The following PRCC variants were observed in gnomAD, a reference collection of about 807,000 sequenced individuals.
PRCC encodes proline-rich protein PRCC.
PRCC carries 10 observed loss-of-function variants against 44.0 expected under a neutral mutation model. The ratio of observed to expected loss-of-function variants is 0.23; its 90% CI spans 0.14 to 0.39. The LOEUF is 0.39. Ranked by LOEUF, PRCC falls within the 10% of genes least tolerant of loss-of-function variation. The pLI, the probability that PRCC is intolerant of heterozygous loss-of-function variation, is 1.00. For missense variants in PRCC, 573 were observed against 624.7 expected (o/e 0.92, Z 0.88); for synonymous variants, 278 against 259.5 (o/e 1.07, Z -0.69).
chr1:156,771,194 A>T (rs1202516076), intron 1 of PRCC, among the ~76,000 whole-genome samples: 1 of 152,202 alleles, frequency 6.6e-6, no homozygotes, highest in African/African-American at 2.4e-5. Context: ...GCTTTCAGGG[A>T]ACCTCAGGTG....
intron 6 of PRCC, 115 bp from the exon 7 acceptor site, chr1:156,800,259 C>T (rs532105283): frequency 3.3e-6 from 3 of 921,772 alleles, no homozygotes; most frequent in Admixed American, 2.2e-5. Context: ...TTGCAGTTCC[C>T]CCATAATCGT....
At chr1:156,793,161 G>C (rs2102771365) in intron 4 of PRCC, among the ~76,000 whole-genome samples, 1 of 152,214 alleles carries the variant, frequency 6.6e-6, no homozygotes, top group Middle Eastern at 3.4e-3. Flanking sequence ...GCATACTTCT[G>C]CCTGTGCTTG....
In PRCC at chr1:156,767,536, G is replaced by C; in HGVS notation, c.-236G>C. ...AAGGAGGAGGCGGAGTGACTCGGCG[G>C]CCATTAGCTGTGTGTAGTTGCCCGG... On this transcript the variant is annotated 5_prime_UTR_variant, in exon 1 of 7. Transcript: ENST00000271526. 1 of 538,180 alleles carries C rather than the reference G, an allele frequency of 1.9e-6. No individual in the cohort carries two copies. The highest frequency in any genetic ancestry group is 1.9e-5 in the African/African-American group (1 of 51,316). 33.3% of individuals were successfully genotyped at this position (538,180 alleles called of 1,614,324 possible).
rs1652685003 is a variant in PRCC at position 156,797,144 on chromosome 1, G to A, written c.1324-132G>A. The stretch of plus-strand genomic sequence containing the variant: ...TTTGTAGTATATAGAGGTAAAAACA[G>A]CTCCAACTTTTCTCCCCCAGGATTT... On this transcript the variant is annotated intron_variant, in intron 5 of 6. Coordinates refer to ENST00000271526, the MANE Select transcript of PRCC (RefSeq NM_005973.5). 5 of 1,027,534 alleles carry A rather than the reference G, an allele frequency of 4.9e-6. No homozygotes were observed. The South Asian group carries it at 7.0e-5, about 14-fold the overall frequency. The allele number at this position is 1,027,534 out of a possible 1,614,324, so 63.7% of individuals were successfully genotyped here. A position where few individuals can be genotyped will look rare whatever the true frequency, so the allele number is the denominator to read the frequency against.
chr1:156,776,870 A>T (rs61816271), intron 1 of PRCC, among the ~76,000 whole-genome samples: 33 of 152,292 alleles, frequency 2.2e-4, no homozygotes, highest in Non-Finnish European at 3.1e-4. Context: ...TCAAAAGACG[A>T]GAGATGGTGA....
In PRCC at chr1:156,767,932, C is replaced by T. The variant is rs755536156; in HGVS notation, c.161C>T (p.Pro54Leu). 19 of 1,593,546 alleles carry T rather than the reference C, an allele frequency of 1.2e-5. No homozygotes were observed. In the South Asian group the frequency reaches 1.7e-4, roughly 14 times the overall value. The change falls in exon 1 of 7, where the codon CCC (proline) becomes CTC (leucine). Residue 54 changes from proline to leucine, a missense_variant. Coordinates refer to ENST00000271526, the MANE Select transcript of PRCC (RefSeq NM_005973.5). ...APKGPALLPP[P>L]PQMLAPAFPP... ...AAGGGTCCGGCCTTGCTGCCTCCGCCCCCTCAGATGCTGGCGCCAGCCTTT... is the reference window on the plus strand; with the variant it reads ...AAGGGTCCGGCCTTGCTGCCTCCGCTCCCTCAGATGCTGGCGCCAGCCTTT...
At chr1:156,778,497 G>A (rs1651908365) in intron 1 of PRCC, among the ~76,000 whole-genome samples, 1 of 151,988 alleles carries the variant, frequency 6.6e-6, no homozygotes. Flanking sequence ...GAACATGGGA[G>A]TGCAGATACC....
intron 6 of PRCC, among the ~76,000 whole-genome samples, chr1:156,800,152 T>C (rs560752611): frequency 1.3e-5 from 2 of 152,358 alleles, no homozygotes; most frequent in East Asian, 1.9e-4. Flanking sequence ...TTCTTGAGTC[T>C]TTATTTTGCT....
chr1:156,768,104 G>A lies in PRCC; in HGVS notation c.333G>A (p.Gly111=). 1 of 1,585,506 alleles carries A rather than the reference G, an allele frequency of 6.3e-7. No individual in the cohort carries two copies. Among genetic ancestry groups the A allele is most frequent in the Non-Finnish European group, 8.6e-7 (1 of 1,165,818 alleles). The stretch of plus-strand genomic sequence containing the variant: ...GAGTTGGGGAGGGACTGGGATTGGG[G>A]TTGCCCTCGCCCCGAGGCCCTGGCC... ...AAGVGEGLGL[G]LPSPRGPGLN... Residue 111 remains glycine (G), a synonymous_variant, in exon 1 of 7, where the codon GGG becomes GGA. Coordinates refer to ENST00000271526, the MANE Select transcript of PRCC (RefSeq NM_005973.5).
chr1:156,775,073 C>A (rs1276862556), intron 1 of PRCC, among the ~76,000 whole-genome samples: 1 of 151,992 alleles, frequency 6.6e-6, no homozygotes, highest in African/African-American at 2.4e-5. Flanking sequence ...ACGGTGAAAC[C>A]CCATCTCTAC....
At chr1:156,795,902 C>T (rs1179253590) in intron 5 of PRCC, 1 of 152,232 alleles carries the variant, frequency 6.6e-6, no homozygotes, top group African/African-American at 2.4e-5. Context: ...AAACCCTGGA[C>T]TTGAGCCCAG....
At position 156,786,673 on chromosome 1, in the gene PRCC, G is replaced by C; in HGVS notation, c.582G>C (p.Glu194Asp). The change falls in exon 3 of 7, where the codon GAG becomes GAC. Residue 194 changes from glutamate (E) to aspartate (D), a missense_variant. By Grantham distance (45) the Glu-to-Asp change is conservative. Transcript: ENST00000271526. ...AACCTAAAAACCTGACTGTGAAAGAGACTAACAGGTTGCTCCTGCCCCATG... is the reference window on the plus strand; with the variant it reads ...AACCTAAAAACCTGACTGTGAAAGACACTAACAGGTTGCTCCTGCCCCATG... ...LPQPKNLTVK[E>D]TNRLLLPHAF... 1.2e-6 allele frequency: 2 copies of C among 1,614,174 alleles called. No individual in the cohort carries two copies. Among genetic ancestry groups the C allele is most frequent in the Non-Finnish European group, 1.7e-6 (2 of 1,180,030 alleles).
chr1:156,770,695 T>C (rs998472529), intron 1 of PRCC, among the ~76,000 whole-genome samples: 1 of 152,244 alleles, frequency 6.6e-6, no homozygotes. Flanking sequence ...TTAAAAGAGC[T>C]GTGCCCCCTC....
chr1:156,785,594 G>C (rs934396963), intron 2 of PRCC, among the ~76,000 whole-genome samples: 1 of 140,802 alleles, frequency 7.1e-6, no homozygotes, highest in African/African-American at 2.6e-5. Flanking sequence ...ATCTAAGGGG[G>C]GGAAAAAAAA....
chr1:156,797,994 AG>A (rs1191351943), intron 6 of PRCC, among the ~76,000 whole-genome samples: 1 of 151,882 alleles, frequency 6.6e-6, no homozygotes, highest in Non-Finnish European at 1.5e-5. Flanking sequence ...CCCAGGCTGG[AG>A]TGCAGTGGTA....
At chr1:156,775,991 G>A (rs1453356838) in intron 1 of PRCC, among the ~76,000 whole-genome samples, 1 of 152,142 alleles carries the variant, frequency 6.6e-6, no homozygotes, top group Admixed American at 6.5e-5. Flanking sequence ...TTAGTGTTCT[G>A]TTTCAGGGAG....
At chr1:156,786,208 T>G (rs971548031) in intron 2 of PRCC, among the ~76,000 whole-genome samples, 1 of 152,170 alleles carries the variant, frequency 6.6e-6, no homozygotes, top group Non-Finnish European at 1.5e-5. Context: ...GTTCTTGTGT[T>G]AAGAGGTCCC....
intron 1 of PRCC, among the ~76,000 whole-genome samples, chr1:156,777,133 C>G (rs1222316983): frequency 6.6e-6 from 1 of 152,116 alleles, no homozygotes; most frequent in African/African-American, 2.4e-5. Flanking sequence ...GATCCCTTAG[C>G]CAGTGAGGGG....
chr1:156,787,815 C>T (rs763135218), intron 3 of PRCC, among the ~76,000 whole-genome samples: 7 of 149,440 alleles, frequency 4.7e-5, no homozygotes, highest in Non-Finnish European at 8.9e-5. Context: ...CCTAACATGC[C>T]CAGCTAATTT....
Sources: allele counts gnomAD v4.1 joint callset (sites outside exome capture counted in the v4.1 genomes callset), GRCh38; gene constraint gnomAD v4.1.1; transcripts MANE v1.5; gene names NCBI Gene and HGNC (gene_info 2026-07-23, HGNC 2026-07-21).